The following ST6GAL1 variants were observed in gnomAD, a reference collection of about 807,000 sequenced individuals.
ST6GAL1 encodes the protein ST6 beta-galactoside alpha-2,6-sialyltransferase 1.
Under a neutral mutation model 38.0 loss-of-function variants are expected in ST6GAL1, and 20 were observed. The observed-to-expected ratio is 0.53, with a 90% CI of 0.37 to 0.77. The LOEUF is 0.77. Ranked by LOEUF, ST6GAL1 falls within the 30% of genes least tolerant of loss-of-function variation. ST6GAL1 has a pLI of 0.00. For missense variants in ST6GAL1, 432 were observed against 496.4 expected, an observed-to-expected ratio of 0.87 and a Z score of 1.23; for synonymous variants, 196 against 188.2, an observed-to-expected ratio of 1.04 and a Z score of -0.34.
intron 2 of ST6GAL1, among the ~76,000 whole-genome samples, chr3:186,987,735 C>T (rs1288248287): frequency 6.6e-6 from 1 of 152,130 alleles, no homozygotes; most frequent in Non-Finnish European, 1.5e-5. Flanking sequence ...CTGTATCAGG[C>T]AGTAACTGAG....
chr3:187,018,410 A>T (rs1717188938), intron 2 of ST6GAL1, among the ~76,000 whole-genome samples: 1 of 152,076 alleles, frequency 6.6e-6, no homozygotes, highest in African/African-American at 2.4e-5. Context: ...TTTATTAAGG[A>T]GTATTGACTC....
At chr3:187,056,389 C>G (rs1337563624) in intron 5 of ST6GAL1, among the ~76,000 whole-genome samples, 1 of 152,144 alleles carries the variant, frequency 6.6e-6, no homozygotes, top group Non-Finnish European at 1.5e-5. Context: ...GTAGTTTATT[C>G]CTAGCATTGA....
chr3:187,062,922 C>T (rs1718971501), intron 5 of ST6GAL1, among the ~76,000 whole-genome samples: 1 of 151,996 alleles, frequency 6.6e-6, no homozygotes, highest in South Asian at 2.1e-4. Context: ...GGAGTAGAAA[C>T]AAAGTAGAAT....
intron 2 of ST6GAL1, among the ~76,000 whole-genome samples, chr3:187,030,580 C>A (rs1301012742): frequency 6.6e-6 from 1 of 152,038 alleles, no homozygotes; most frequent in African/African-American, 2.4e-5. Flanking sequence ...ATTACAGGCG[C>A]CCGCCACCAC....
intron 2 of ST6GAL1, among the ~76,000 whole-genome samples, chr3:186,973,474 C>G (rs532986392): frequency 1.3e-5 from 2 of 152,332 alleles, no homozygotes; most frequent in Admixed American, 1.3e-4. Context: ...TTTCAACCCC[C>G]TGCCTGTGCA....
intron 5 of ST6GAL1, among the ~76,000 whole-genome samples, chr3:187,059,225 C>T (rs1013781662): frequency 6.6e-6 from 1 of 152,112 alleles, no homozygotes; most frequent in African/African-American, 2.4e-5. Context: ...CATTCAGATA[C>T]CCCTGGCTAA....
intron 2 of ST6GAL1, among the ~76,000 whole-genome samples, chr3:186,981,332 C>T (rs961310394): frequency 6.6e-5 from 10 of 152,198 alleles, no homozygotes; most frequent in Non-Finnish European, 1.5e-4. Context: ...CCTCTAGTTA[C>T]ATTTTACTGT....
chr3:187,027,414 C>T (rs77705615), intron 2 of ST6GAL1, among the ~76,000 whole-genome samples: 9,550 of 152,192 alleles, frequency 0.063, 310 homozygotes, highest in Middle Eastern at 0.12. Flanking sequence ...CTCCCAACCT[C>T]CCAGACTACT....
intron 2 of ST6GAL1, among the ~76,000 whole-genome samples, chr3:187,014,673 A>C (rs1221311247): frequency 6.6e-6 from 1 of 152,228 alleles, no homozygotes; most frequent in Non-Finnish European, 1.5e-5. Context: ...GCATGATTGC[A>C]ATACATTCCT....
chr3:186,998,111 C>A (rs369502062), intron 2 of ST6GAL1, among the ~76,000 whole-genome samples: 16 of 151,918 alleles, frequency 1.1e-4, no homozygotes, highest in African/African-American at 3.9e-4. Context: ...TTAAAAAATA[C>A]GGGAAGTAAA....
At chr3:187,010,422 C>T (rs1444511059) in intron 2 of ST6GAL1, among the ~76,000 whole-genome samples, 2 of 152,162 alleles carry the variant, frequency 1.3e-5, no homozygotes, top group Non-Finnish European at 2.9e-5. Context: ...AATTGGTTCC[C>T]ACCCGTTTAG....
At chr3:187,021,108 A>C (rs62292644) in intron 2 of ST6GAL1, among the ~76,000 whole-genome samples, 50,780 of 151,220 alleles carry the variant, frequency 0.34, 9,066 homozygotes, top group East Asian at 0.43. Flanking sequence ...GGATTACAGG[A>C]GCATGCCACC....
At position 187,013,834 on chromosome 3, in the gene ST6GAL1, C is replaced by T. The variant is rs559033300; in HGVS notation, c.-182-24908C>T. ...TCCCGACCTCAGGTGATCCTCCCAC[C>T]TTGGCCTCCCAACGTGCTGGGATTA... On this transcript the variant is annotated intron_variant, in intron 2 of 7. Coordinates refer to ENST00000169298, the MANE Select transcript of ST6GAL1 (RefSeq NM_173216.2). Among the ~76,000 whole-genome samples, 8 of 152,332 alleles carry T rather than the reference C, an allele frequency of 5.3e-5. No homozygotes were observed. The South Asian group carries it at 1.7e-3, about 32-fold the overall frequency.
At chr3:186,988,270 C>G (rs909411208) in intron 2 of ST6GAL1, among the ~76,000 whole-genome samples, 2 of 152,128 alleles carry the variant, frequency 1.3e-5, no homozygotes, top group Non-Finnish European at 2.9e-5. Flanking sequence ...CGTAGGGCTT[C>G]TGGAAGTGTC....
At chr3:186,946,947 C>A (rs545068034) in intron 1 of ST6GAL1, among the ~76,000 whole-genome samples, 1 of 151,938 alleles carries the variant, frequency 6.6e-6, no homozygotes, top group Admixed American at 6.6e-5. Context: ...GGGGCCCACA[C>A]GACAATGGAA....
intron 2 of ST6GAL1, among the ~76,000 whole-genome samples, chr3:186,999,193 C>T (rs1227121221): frequency 2.0e-5 from 3 of 152,178 alleles, no homozygotes; most frequent in Admixed American, 6.5e-5. Flanking sequence ...TTTCACTAGG[C>T]GGTAAGCCTC....
intron 2 of ST6GAL1, among the ~76,000 whole-genome samples, chr3:187,024,489 TATATAGAGAG>T (rs1231208194): frequency 0.029 from 2,605 of 90,930 alleles, 52 homozygotes; most frequent in East Asian, 0.1. Context: ...TATATATATA[TATATAGAGAG>T]AGAGAGAGAG....
intron 2 of ST6GAL1, among the ~76,000 whole-genome samples, chr3:186,972,342 G>A (rs947131781): frequency 6.6e-6 from 1 of 151,696 alleles, no homozygotes; most frequent in Non-Finnish European, 1.5e-5. Context: ...TCCACCTCCC[G>A]GGTTCAAGTG....
chr3:186,957,128 AC>A (rs377494859), intron 1 of ST6GAL1, among the ~76,000 whole-genome samples: 8 of 152,214 alleles, frequency 5.3e-5, no homozygotes, highest in African/African-American at 1.9e-4. Flanking sequence ...AACTTACAGA[AC>A]CTTGCAGAAA....
Sources: allele counts gnomAD v4.1 joint callset (sites outside exome capture counted in the v4.1 genomes callset), GRCh38; gene constraint gnomAD v4.1.1; transcripts MANE v1.5; gene names NCBI Gene and HGNC (gene_info 2026-07-23, HGNC 2026-07-21).